Variants in SLC5A4 observed in about 807,000 individuals in gnomAD.
The protein encoded by SLC5A4 is probable glucose sensor protein SLC5A4.
A neutral mutation model predicts 70.3 loss-of-function variants in SLC5A4; 55 were observed. The ratio of observed to expected loss-of-function variants is 0.78; its 90% CI spans 0.63 to 0.98. The LOEUF is 0.98. Among genes scored for constraint, SLC5A4 ranks in the 50% least tolerant of loss-of-function variants. SLC5A4 has a pLI of 0.00. For missense variants in SLC5A4, 735 were observed against 839.2 expected, an observed-to-expected ratio of 0.88 and a Z score of 1.53; for synonymous variants, 268 against 305.7, an observed-to-expected ratio of 0.88 and a Z score of 1.29.
intron 5 of SLC5A4, among the ~76,000 whole-genome samples, chr22:32,241,983 A>G (rs1926557546): frequency 6.6e-6 from 1 of 152,040 alleles, no homozygotes; most frequent in South Asian, 2.1e-4. Context: ...TACTCTATAG[A>G]GCTGGACTGG....
At chr22:32,251,541 C>T (rs1290234696) in intron 3 of SLC5A4, among the ~76,000 whole-genome samples, 1 of 151,756 alleles carries the variant, frequency 6.6e-6, no homozygotes, top group East Asian at 1.9e-4. Context: ...CTCTCGTGCC[C>T]TATTGCCCTT....
At chr22:32,220,135 TAAAATGGAA>T (rs1422571799) in intron 14 of SLC5A4, among the ~76,000 whole-genome samples, 1 of 151,994 alleles carries the variant, frequency 6.6e-6, no homozygotes, top group African/African-American at 2.4e-5. Context: ...AATATTTTCA[TAAAATGGAA>T]AAATGGGCTA....
chr22:32,243,392 C>G (rs953771226), intron 5 of SLC5A4, among the ~76,000 whole-genome samples: 1 of 152,106 alleles, frequency 6.6e-6, no homozygotes, highest in African/African-American at 2.4e-5. Context: ...GCATCCTGTA[C>G]TGGAGAAGAA....
At chr22:32,269,978 ACT>A in the SLC5A4 span, 1 of 512,062 alleles carries the variant, frequency 2.0e-6, no homozygotes, top group Non-Finnish European at 3.9e-6. This position sits in a 1 kb window ranked among gnomAD's most constrained non-coding sequence, Gnocchi z 4.1. Flanking sequence ...TGCCTGGGCA[ACT>A]CTCTCCTCCT....
the SLC5A4 span, among the ~76,000 whole-genome samples, chr22:32,287,881 A>C: frequency 1.3e-5 from 2 of 151,806 alleles, no homozygotes; most frequent in African/African-American, 4.8e-5. Flanking sequence ...CTACTCCATC[A>C]TTAAATATTG....
the SLC5A4 span, among the ~76,000 whole-genome samples, chr22:32,300,039 G>C: frequency 6.9e-6 from 1 of 145,310 alleles, no homozygotes; most frequent in Non-Finnish European, 1.5e-5. Flanking sequence ...CATGCTGGGA[G>C]AACCACTGCT....
At chr22:32,234,140 G>A (rs1381703162) in intron 8 of SLC5A4, among the ~76,000 whole-genome samples, 1 of 152,100 alleles carries the variant, frequency 6.6e-6, no homozygotes, top group Non-Finnish European at 1.5e-5. Flanking sequence ...AATCACTTGG[G>A]GATCAAGTTA....
the SLC5A4 span, chr22:32,271,457 G>C: frequency 5.2e-5 from 39 of 756,692 alleles, no homozygotes; most frequent in South Asian, 5.0e-4. Context: ...GGCTCAGCCA[G>C]GGCAATCTCA....
the SLC5A4 span, among the ~76,000 whole-genome samples, chr22:32,291,911 C>A: frequency 7.1e-6 from 1 of 140,216 alleles, no homozygotes; most frequent in Admixed American, 7.4e-5. Context: ...CTCATTCTGT[C>A]ACTCAGGCTG....
chr22:32,233,651 A>C (rs948302924), intron 8 of SLC5A4, among the ~76,000 whole-genome samples: 9 of 152,166 alleles, frequency 5.9e-5, no homozygotes, highest in African/African-American at 1.9e-4. Flanking sequence ...ATAATTAGCA[A>C]GAAAATTCAA....
the SLC5A4 span, among the ~76,000 whole-genome samples, chr22:32,280,279 A>G: frequency 5.3e-5 from 8 of 151,928 alleles, no homozygotes; most frequent in Non-Finnish European, 8.8e-5. Flanking sequence ...AACCTCCCAA[A>G]GTGTTGGGAT....
chr22:32,261,607 C>A, the SLC5A4 span, among the ~76,000 whole-genome samples: 1 of 152,344 alleles, frequency 6.6e-6, no homozygotes, highest in South Asian at 2.1e-4. Flanking sequence ...CATACCCTGG[C>A]CAGCACAGGA....
At chr22:32,229,822 A>T (rs1925643522) in intron 10 of SLC5A4, among the ~76,000 whole-genome samples, 1 of 152,254 alleles carries the variant, frequency 6.6e-6, no homozygotes, top group African/African-American at 2.4e-5. Context: ...AACTCAAAAA[A>T]TAAATGCTTG....
chr22:32,290,729 G>A, the SLC5A4 span, among the ~76,000 whole-genome samples: 1 of 152,108 alleles, frequency 6.6e-6, no homozygotes, highest in East Asian at 1.9e-4. Context: ...CAAGATCGCA[G>A]CTTGTTGCTG....
chr22:32,329,153 G>A, the SLC5A4 span, among the ~76,000 whole-genome samples: 4 of 152,222 alleles, frequency 2.6e-5, no homozygotes, highest in Admixed American at 2.6e-4. Flanking sequence ...CTGCTTCAGG[G>A]GAGAGTTGTT....
chr22:32,224,513 GT>G, intron 12 of SLC5A4, 31 bp from the exon 13 acceptor site: 1 of 1,533,564 alleles, frequency 6.5e-7, no homozygotes, highest in Non-Finnish European at 9.0e-7. Flanking sequence ...AAATCAGAAT[GT>G]TTAGAAAATA....
intron 8 of SLC5A4, 49 bp from the exon 9 acceptor site, chr22:32,233,083 C>A: frequency 1.3e-6 from 2 of 1,582,822 alleles, no homozygotes; most frequent in South Asian, 1.2e-5. Context: ...GGGATGATTT[C>A]AAAGGCAGTC....
the SLC5A4 span, among the ~76,000 whole-genome samples, chr22:32,262,626 A>G: frequency 1.6e-4 from 25 of 152,050 alleles, no homozygotes; most frequent in Non-Finnish European, 1.5e-4. Context: ...CTTGACTCAC[A>G]GTTGGTAGAC....
At position 32,247,449 on chromosome 22, in the gene SLC5A4, T is replaced by C; in HGVS notation, c.439A>G (p.Ile147Val). ...GGERLQVYLSILSLFICVVLL... is the reference protein window; with the variant it reads ...GGERLQVYLSVLSLFICVVLL... Reference sequence around the variant, plus strand: ...ACCACACAGATGAAGAGGGAGAGGATGGAGAGGTAGACCTGGAGTCGCTCC... The same window carrying C: ...ACCACACAGATGAAGAGGGAGAGGACGGAGAGGTAGACCTGGAGTCGCTCC... The change falls in exon 5 of 15, where the codon ATC becomes GTC. Residue 147 changes from isoleucine to valine, a missense_variant. Transcript: ENST00000266086. 6.2e-7 allele frequency: 1 copy of C among 1,613,486 alleles called. No individual in the cohort carries two copies.
Sources: gnomAD v4.1 joint callset for allele counts (sites outside exome capture counted in the v4.1 genomes callset) on GRCh38, gnomAD v4.1.1 for gene constraint, Gnocchi (gnomAD v3.1) non-coding constraint, MANE v1.5 for transcripts, NCBI Gene and HGNC (gene_info 2026-07-23, HGNC 2026-07-21) for gene names.